FRS2: variants seen among roughly 807,000 people sequenced by gnomAD.
FRS2 encodes fibroblast growth factor receptor substrate 2.
A neutral mutation model predicts 43.9 loss-of-function variants in FRS2; 8 were observed. The ratio of observed to expected loss-of-function variants is 0.18; its 90% CI spans 0.11 to 0.33. The LOEUF (loss-of-function observed/expected upper bound fraction) is 0.33, where lower values mean the gene tolerates loss of function less well. Among genes scored for constraint, FRS2 ranks in the 10% least tolerant of loss-of-function variants. The pLI is 1.00. For synonymous variants in FRS2, 219 were observed against 220.3 expected (o/e 0.99, Z 0.05); for missense variants, 534 against 627.6 (o/e 0.85, Z 1.59).
intron 1 of FRS2, among the ~76,000 whole-genome samples, chr12:69,510,724 C>A (rs1874377150): frequency 6.6e-6 from 1 of 152,084 alleles, no homozygotes. Context: ...GAAATAGAGA[C>A]AATAATAGCT....
In FRS2 at chr12:69,570,312, T is replaced by C; in HGVS notation, c.67-19T>C. 1 of 1,592,328 alleles carries C rather than the reference T, an allele frequency of 6.3e-7. No individual in the cohort carries two copies. The highest frequency in any genetic ancestry group is 1.1e-5 in the South Asian group (1 of 90,572). On this transcript the variant is annotated intron_variant, in intron 5 of 8. Coordinates refer to ENST00000549921, the MANE Select transcript of FRS2 (RefSeq NM_001278356.2). ...CGAATTGGTGACATATTTGCATGAC[T>C]GTCACCTTCTTTTTTTAGGTCATTA...
At chr12:69,477,449 A>AT (rs1870915901) in intron 1 of FRS2, among the ~76,000 whole-genome samples, 1 of 150,806 alleles carries the variant, frequency 6.6e-6, no homozygotes, top group Non-Finnish European at 1.5e-5. Context: ...CGCCTGGCTA[A>AT]TTTTTTGTAT....
chr12:69,538,351 A>G (rs1207468035), intron 3 of FRS2, among the ~76,000 whole-genome samples: 1 of 151,358 alleles, frequency 6.6e-6, no homozygotes, highest in African/African-American at 2.4e-5. Flanking sequence ...TTCAAATAAC[A>G]TACAACTTAC....
intron 3 of FRS2, among the ~76,000 whole-genome samples, chr12:69,539,113 TG>T (rs1877626198): frequency 6.6e-6 from 1 of 152,156 alleles, no homozygotes; most frequent in Non-Finnish European, 1.5e-5. Flanking sequence ...CTCACTCTGT[TG>T]CCCAGGCTGG....
At chr12:69,531,087 T>C (rs1223807216) in intron 2 of FRS2, 127 bp downstream of exon 2, 5 of 152,094 alleles carry the variant, frequency 3.3e-5, no homozygotes, top group Admixed American at 6.6e-5. Context: ...CCCAACACTT[T>C]GGGAGGCCGA....
chr12:69,572,152 A>T lies in FRS2; in HGVS notation c.447A>T (p.Gly149=). ...PGFAAQNLPN[G]YPRYPSFGDA... is the part of the protein sequence containing the mutation. Reference sequence around the variant, plus strand: ...TTGCTGCTCAGAACTTACCTAATGGATATCCCCGATATCCCTCATTTGGAG... The same window carrying T: ...TTGCTGCTCAGAACTTACCTAATGGTTATCCCCGATATCCCTCATTTGGAG... The change falls in exon 8 of 9, where the codon GGA becomes GGT. Residue 149 remains glycine, a synonymous_variant. Coordinates refer to ENST00000549921, the MANE Select transcript of FRS2 (RefSeq NM_001278356.2). 6.2e-7 allele frequency: 1 copy of T among 1,613,736 alleles called. No homozygotes were observed.
chr12:69,477,012 A>G (rs1870852868), intron 1 of FRS2, among the ~76,000 whole-genome samples: 1 of 152,108 alleles, frequency 6.6e-6, no homozygotes, highest in African/African-American at 2.4e-5. Flanking sequence ...ATGGGTTTAT[A>G]GAGTTATGTT....
rs10605112 is a variant in FRS2 at position 69,541,824 on chromosome 12, C to CA, written c.-122+9790dup. On this transcript the variant is annotated intron_variant, in intron 3 of 8. Transcript: ENST00000549921. ...TGGGCGACAGGGTGAGACCCTGTCT[C>CA]AAAAAAAAAAAAAAAAAAAAAAGTA... Among the ~76,000 whole-genome samples, 447 of 90,716 alleles carry CA rather than the reference C, an allele frequency of 4.9e-3. 4 individuals carry two copies. Among genetic ancestry groups the CA allele is most frequent in the South Asian group, 0.011 (30 of 2,712 alleles). 59.5% of individuals were successfully genotyped at this position (90,716 alleles called of 152,430 possible). A position where few individuals can be genotyped will look rare whatever the true frequency, so the allele number is the denominator to read the frequency against.
intron 1 of FRS2, among the ~76,000 whole-genome samples, chr12:69,517,497 C>T (rs1262549168): frequency 6.6e-6 from 1 of 151,432 alleles, no homozygotes; most frequent in African/African-American, 2.4e-5. Context: ...GGGGCATTTG[C>T]CAATGGTGAA....
intron 3 of FRS2, among the ~76,000 whole-genome samples, chr12:69,556,862 A>C (rs1406324185): frequency 2.0e-5 from 3 of 152,234 alleles, no homozygotes; most frequent in Admixed American, 6.5e-5. Context: ...TTTAAGAACT[A>C]TTAGGTATAC....
At position 69,474,127 on chromosome 12, in the gene FRS2, C is replaced by T. The variant is rs544832790; in HGVS notation, c.-261+3597C>T. On this transcript the variant is annotated intron_variant, in intron 1 of 8. Coordinates refer to ENST00000549921, the MANE Select transcript of FRS2 (RefSeq NM_001278356.2). Reference sequence around the variant, plus strand: ...AAGTGCTGGGATTACAGGTGTGAGCCACTGCGCCCAGCTGAAGATTACACT... The same window carrying T: ...AAGTGCTGGGATTACAGGTGTGAGCTACTGCGCCCAGCTGAAGATTACACT... Among the ~76,000 whole-genome samples the T allele has an allele frequency of 2.1e-4, 32 of 152,274 alleles. No homozygotes were observed. The South Asian group carries it at 6.2e-3, about 30-fold the overall frequency.
chr12:69,486,745 T>C (rs1283312996), intron 1 of FRS2, among the ~76,000 whole-genome samples: 1 of 152,178 alleles, frequency 6.6e-6, no homozygotes, highest in East Asian at 1.9e-4. Context: ...AAAGTGAAAG[T>C]CTTATTGCTG....
chr12:69,544,104 CTTTT>C (rs77592131), intron 3 of FRS2, among the ~76,000 whole-genome samples: 1 of 134,934 alleles, frequency 7.4e-6, no homozygotes, highest in Non-Finnish European at 1.6e-5. Flanking sequence ...GGGAGGCTTT[CTTTT>C]TTTTTTTTTT....
chr12:69,558,810 C>A (rs750528370), intron 3 of FRS2, among the ~76,000 whole-genome samples: 1 of 152,164 alleles, frequency 6.6e-6, no homozygotes, highest in Non-Finnish European at 1.5e-5. Flanking sequence ...TGTCCTTTAT[C>A]TTTATTTCTA....
intron 1 of FRS2, among the ~76,000 whole-genome samples, chr12:69,494,816 C>T (rs1872738085): frequency 6.6e-6 from 1 of 152,052 alleles, no homozygotes; most frequent in African/African-American, 2.4e-5. Context: ...TCTTGTTGCC[C>T]AGTCTGGAGT....
At chr12:69,557,619 T>TGTGTGTGTGTGTGCGCGCGC (rs1555192498) in intron 3 of FRS2, among the ~76,000 whole-genome samples, 3 of 118,966 alleles carry the variant, frequency 2.5e-5, no homozygotes, top group Admixed American at 8.4e-5. Context: ...TGTGTGTGTG[T>TGTGTGTGTGTGTGCGCGCGC]GCGCGCGCGC....
intron 3 of FRS2, among the ~76,000 whole-genome samples, chr12:69,555,778 G>C (rs1162162285): frequency 6.6e-6 from 1 of 152,158 alleles, no homozygotes; most frequent in Non-Finnish European, 1.5e-5. Flanking sequence ...ATTTTTATTA[G>C]TGGGATACTT....
At chr12:69,489,592 C>T (rs1318402855) in intron 1 of FRS2, among the ~76,000 whole-genome samples, 2 of 151,656 alleles carry the variant, frequency 1.3e-5, no homozygotes, top group Admixed American at 1.3e-4. Context: ...ATCGCTTGAA[C>T]CCAGGAGGCG....
intron 1 of FRS2, among the ~76,000 whole-genome samples, chr12:69,502,434 T>C (rs1873538152): frequency 6.6e-6 from 1 of 151,916 alleles, no homozygotes; most frequent in South Asian, 2.1e-4. Flanking sequence ...GGGGTCTCAC[T>C]GGTTGCCCAG....
Sources: allele counts gnomAD v4.1 joint callset (sites outside exome capture counted in the v4.1 genomes callset), GRCh38; gene constraint gnomAD v4.1.1; transcripts MANE v1.5; gene names NCBI Gene and HGNC (gene_info 2026-07-23, HGNC 2026-07-21).